DEFA6: variants seen among roughly 807,000 people sequenced by gnomAD.
DEFA6 encodes defensin-6.
DEFA6 carries 8 observed loss-of-function variants against 5.1 expected under a neutral mutation model. The ratio of observed to expected loss-of-function variants is 1.57; its 90% confidence interval spans 0.92 to 2.83. DEFA6 has a LOEUF of 2.83. Among genes scored for constraint, DEFA6 ranks in the 30% most tolerant of loss-of-function variants. The pLI is 0.00. For synonymous variants in DEFA6, 74 were observed against 45.3 expected (o/e 1.63, Z -2.54); for missense variants, 191 against 119.1 (o/e 1.60, Z -2.81).
At chr8:6,925,166 G>C (rs930106272) in intron 1 of DEFA6, among the ~76,000 whole-genome samples, 1 of 152,168 alleles carries the variant, frequency 6.6e-6, no homozygotes, top group African/African-American at 2.4e-5. Context: ...ACACACATCT[G>C]AATGCACCCA....
At position 6,925,336 on chromosome 8, in the gene DEFA6, T is replaced by C. The variant is rs144913925; in HGVS notation, c.194-409A>G. On this transcript the variant is annotated intron_variant, in intron 1 of 1. Coordinates refer to ENST00000297436, the MANE Select transcript of DEFA6 (RefSeq NM_001926.4). ...GAGTTCAAGACTAGCCTGGCCAAGA[T>C]GGTGAAACCCCGTCTCTACTGAAAA... Among the ~76,000 whole-genome samples the C allele has an allele frequency of 4.0e-3, 598 of 150,090 alleles. 5 individuals carry two copies. The highest frequency in any genetic ancestry group is 0.014 in the African/African-American group (572 of 40,682).
chr8:6,925,875 G>A lies in DEFA6; in HGVS notation c.161C>T (p.Ala54Val), dbSNP rs1563433149. The part of the protein sequence containing the change: ...ANDQDFAVSF[A>V]EDASSSLRAL... ...TCTAAGACTTGAGCTTGCATCCTCT[G>A]CAAAGGAGACGGCAAAGTCCTGGTC... Residue 54 changes from alanine to valine, a missense_variant, in exon 1 of 2, where the codon GCA becomes GTA. Transcript: ENST00000297436. The A allele has an allele frequency of 6.2e-7, 1 of 1,613,958 alleles. No individual in the cohort carries two copies. Among genetic ancestry groups the A allele is most frequent in the Non-Finnish European group, 8.5e-7 (1 of 1,179,966 alleles).
At position 6,924,904 on chromosome 8, in the gene DEFA6, G is replaced by T; in HGVS notation, c.217C>A (p.His73Asn). Residue 73 changes from histidine (H) to asparagine (N), a missense_variant, in exon 2 of 2, where the codon CAT (histidine) becomes AAT (asparagine). Physicochemically the swap from His to Asn is moderately conservative, Grantham distance 68. Transcript: ENST00000297436. ...GTTGAATAACAGGACCTTCTGCAAT[G>T]GCAAGTGAAAGCCCTTGTTGAGCCT... ...ALGSTRAFTC[H>N]CRRSCYSTEY... The T allele has an allele frequency of 1.9e-6, 3 of 1,609,532 alleles. No homozygotes were observed. Among genetic ancestry groups the T allele is most frequent in the Non-Finnish European group, 2.6e-6 (3 of 1,176,362 alleles).
rs1808367847 is a variant in DEFA6 at position 6,924,777 on chromosome 8, A to G, written c.*41T>C. The G allele has an allele frequency of 1.4e-6, 2 of 1,422,798 alleles. No homozygotes were observed. Among genetic ancestry groups the G allele is most frequent in the Non-Finnish European group, 2.0e-6 (2 of 1,018,586 alleles). The allele number at this position is 1,422,798 out of a possible 1,614,324, so 88.1% of individuals were successfully genotyped here. On this transcript the variant is annotated 3_prime_UTR_variant, in exon 2 of 2. Transcript: ENST00000297436. ...ACACACGACAGTTTCCTTCTAGGTCATAAAGTAAATTATGAATATATTTCT... is the reference window on the plus strand; with the variant it reads ...ACACACGACAGTTTCCTTCTAGGTCGTAAAGTAAATTATGAATATATTTCT...
chr8:6,925,762 G>T, intron 1 of DEFA6, 81 bp downstream of exon 1: 1 of 1,291,068 alleles, frequency 7.7e-7, no homozygotes. Flanking sequence ...CTAAGAGAAA[G>T]AGCCAGCTGT....
intron 1 of DEFA6, 40 bp from the exon 2 acceptor site, chr8:6,924,967 G>T: frequency 1.4e-6 from 2 of 1,398,950 alleles, no homozygotes. Context: ...TTGAGCACCA[G>T]GGTCAGCAGC....
chr8:6,925,836 C>G lies in DEFA6; in HGVS notation c.193+7G>C, dbSNP rs775529933. 1.2e-6 allele frequency: 2 copies of G among 1,606,844 alleles called. No individual in the cohort carries two copies. The highest frequency in any genetic ancestry group is 2.2e-5 in the South Asian group (2 of 89,284). Reference sequence around the variant, plus strand: ...ACTCCTAGCTCTGCAATGCTGGTGTCTCTTACCCAAAGCTCTAAGACTTGA... The same window carrying G: ...ACTCCTAGCTCTGCAATGCTGGTGTGTCTTACCCAAAGCTCTAAGACTTGA... On this transcript the variant is annotated splice_region_variant and intron_variant, in intron 1 of 1. Transcript: ENST00000297436.
intron 1 of DEFA6, 28 bp downstream of exon 1, chr8:6,925,815 C>G (rs372965333): frequency 6.3e-7 from 1 of 1,584,756 alleles, no homozygotes; most frequent in African/African-American, 1.4e-5. Context: ...CTCTACACTC[C>G]TAGCTCTGCA....
chr8:6,924,732 A>C lies in DEFA6; in HGVS notation c.*86T>G. On this transcript the variant is annotated 3_prime_UTR_variant, in exon 2 of 2. Transcript: ENST00000297436. Reference sequence around the variant, plus strand: ...GACTTTATTTGAGATGAGGAAACAAAGTTGATGGCAATGTATAGGACACAC... The same window carrying C: ...GACTTTATTTGAGATGAGGAAACAACGTTGATGGCAATGTATAGGACACAC... 1 of 796,784 alleles carries C rather than the reference A, an allele frequency of 1.3e-6. No individual in the cohort carries two copies. The highest frequency in any genetic ancestry group is 2.7e-5 in the Admixed American group (1 of 37,406). 49.4% of individuals were successfully genotyped at this position (796,784 alleles called of 1,614,324 possible). A position where few individuals can be genotyped will look rare whatever the true frequency, so the allele number is the denominator to read the frequency against.
intron 1 of DEFA6, among the ~76,000 whole-genome samples, chr8:6,925,187 T>G (rs907655513): frequency 6.6e-6 from 1 of 152,162 alleles, no homozygotes; most frequent in Non-Finnish European, 1.5e-5. Context: ...TATGACTGTC[T>G]CCAGTTTGCA....
intron 1 of DEFA6, 93 bp from the exon 2 acceptor site, chr8:6,925,020 A>G (rs377371973): frequency 1.8e-5 from 14 of 757,062 alleles, no homozygotes; most frequent in Non-Finnish European, 3.0e-5. Flanking sequence ...GCTTGCTGAC[A>G]TGTAATGCTG....
chr8:6,926,062 C>A lies in DEFA6; in HGVS notation c.-27G>T, dbSNP rs769710316. Reference sequence around the variant, plus strand: ...GCTAGGGTCGCTGGAGGAGAGAGAGCAGGAGCAGATGTGTGGGGAGTGAGG... The same window carrying A: ...GCTAGGGTCGCTGGAGGAGAGAGAGAAGGAGCAGATGTGTGGGGAGTGAGG... On this transcript the variant is annotated 5_prime_UTR_variant, in exon 1 of 2. Coordinates refer to ENST00000297436, the MANE Select transcript of DEFA6 (RefSeq NM_001926.4). 2.5e-6 allele frequency: 4 copies of A among 1,581,540 alleles called. No individual in the cohort carries two copies. Among genetic ancestry groups the A allele is most frequent in the Non-Finnish European group, 3.4e-6 (4 of 1,165,216 alleles).
chr8:6,925,812 C>G, intron 1 of DEFA6, 31 bp downstream of exon 1: 1 of 1,581,724 alleles, frequency 6.3e-7, no homozygotes, highest in South Asian at 1.2e-5. Context: ...CCTCTCTACA[C>G]TCCTAGCTCT....
Position 6,926,000 on chromosome 8 carries a change from G to C in DEFA6, c.36C>G (p.Leu12=). 1.2e-6 allele frequency: 2 copies of C among 1,613,028 alleles called. No homozygotes were observed. Among genetic ancestry groups the C allele is most frequent in the Non-Finnish European group, 1.7e-6 (2 of 1,179,620 alleles). Residue 12 remains leucine (L), a synonymous_variant, in exon 1 of 2, where the codon CTC becomes CTG. Transcript: ENST00000297436. The stretch of plus-strand genomic sequence containing the variant: ...GCTCAGCCTTGGCCTGGAGGGCCAC[G>C]AGGAGAACAGCAGTGAGGATGGTGA... ...RTLTILTAVL[L]VALQAKAEPL... is the part of the protein sequence containing the mutation.
In DEFA6 at chr8:6,926,040, A is replaced by C. The variant is rs1280725082; in HGVS notation, c.-5T>G. 1 of 1,604,848 alleles carries C rather than the reference A, an allele frequency of 6.2e-7. No homozygotes were observed. Among genetic ancestry groups the C allele is most frequent in the East Asian group, 2.2e-5 (1 of 44,626 alleles). ...GAGGATGGTGAGGGTTCTCATGGCT[A>C]GGGTCGCTGGAGGAGAGAGAGCAGG... On this transcript the variant is annotated 5_prime_UTR_variant, in exon 1 of 2. Coordinates refer to ENST00000297436, the MANE Select transcript of DEFA6 (RefSeq NM_001926.4).
chr8:6,924,974 C>A (rs372519339), intron 1 of DEFA6, 47 bp from the exon 2 acceptor site: 1 of 1,300,040 alleles, frequency 7.7e-7, no homozygotes, highest in Non-Finnish European at 1.1e-6. Flanking sequence ...CCAGGGTCAG[C>A]AGCGGGCAGT....
chr8:6,924,989 A>G (rs1488098835), intron 1 of DEFA6, 62 bp from the exon 2 acceptor site: 25 of 1,109,976 alleles, frequency 2.3e-5, no homozygotes, highest in Non-Finnish European at 3.1e-5. Context: ...GGCAGTAAAG[A>G]GAATCTTCAG....
chr8:6,924,843 A>G lies in DEFA6; in HGVS notation c.278T>C (p.Ile93Thr). 2 of 1,608,800 alleles carry G rather than the reference A, an allele frequency of 1.2e-6. No individual in the cohort carries two copies. Among genetic ancestry groups the G allele is most frequent in the Non-Finnish European group, 1.7e-6 (2 of 1,175,580 alleles). ...TCAGAGGCAGCAGAATCTGTGGTTA[A>G]TACCCATGACAGTGCAGGTCCCATA... is the stretch of plus-strand genomic sequence containing the variant. ...YSYGTCTVMG[I>T]NHRFCCL Residue 93 changes from isoleucine to threonine, a missense_variant, in exon 2 of 2, where the codon ATT (isoleucine) becomes ACT (threonine). Ile to Thr is a moderately conservative substitution (Grantham distance 89). Coordinates refer to ENST00000297436, the MANE Select transcript of DEFA6 (RefSeq NM_001926.4).
In DEFA6 at chr8:6,925,075, A is replaced by C. The variant is rs1808382191; in HGVS notation, c.194-148T>G. On this transcript the variant is annotated intron_variant, in intron 1 of 1. Coordinates refer to ENST00000297436, the MANE Select transcript of DEFA6 (RefSeq NM_001926.4). ...CATGATCACACCATCAATAGGAATA[A>C]ATACGCAGAGCAGTGTTGGTCACAC... is the stretch of plus-strand genomic sequence containing the variant. 6.7e-6 allele frequency: 4 copies of C among 595,962 alleles called. No individual in the cohort carries two copies. The Admixed American group carries it at 1.0e-4, about 16-fold the overall frequency. 36.9% of individuals were successfully genotyped at this position (595,962 alleles called of 1,614,324 possible).
Sources: allele counts gnomAD v4.1 joint callset (sites outside exome capture counted in the v4.1 genomes callset), GRCh38; gene constraint gnomAD v4.1.1; transcripts MANE v1.5; gene names NCBI Gene and HGNC (gene_info 2026-07-23, HGNC 2026-07-21).